Variants in BBS2 observed in about 807,000 individuals in gnomAD.
The protein encoded by BBS2 is Bardet-Biedl syndrome 2.
In BBS2, 62 loss-of-function variants were observed where a neutral mutation model predicts 83.0. That is an observed-to-expected ratio of 0.75 (90% confidence interval 0.61 to 0.92). The LOEUF (loss-of-function observed/expected upper bound fraction) is 0.92, where lower values mean the gene tolerates loss of function less well. Among genes scored for constraint, BBS2 ranks in the 40% least tolerant of loss-of-function variants. The pLI, the probability that BBS2 is intolerant of heterozygous loss-of-function variation, is 0.00. For synonymous variants in BBS2, 303 were observed against 326.1 expected (o/e 0.93, Z 0.76); for missense variants, 784 against 901.0 (o/e 0.87, Z 1.66).
rs112284596 is a variant in BBS2, at chr16:56,513,924, T to C, written c.345+529A>G. 4.9e-4 allele frequency among the ~76,000 whole-genome samples: 75 copies of C among 152,348 alleles called. 1 individual carries two copies. Among genetic ancestry groups the C allele is most frequent in the African/African-American group, 1.8e-3 (74 of 41,582 alleles). On this transcript the variant is annotated intron_variant, in intron 2 of 16. Transcript: ENST00000245157. ...TATATGACCCCATTTTACTACAAAATGTATTCATATATGCTTGGTAAAAAA... is the reference window on the plus strand; with the variant it reads ...TATATGACCCCATTTTACTACAAAACGTATTCATATATGCTTGGTAAAAAA...
At position 56,500,853 on chromosome 16, in the gene BBS2, C is replaced by T. The variant is rs1225299095; in HGVS notation, c.1397+1G>A. 1.2e-6 allele frequency: 2 copies of T among 1,614,010 alleles called. No individual in the cohort carries two copies. The highest frequency in any genetic ancestry group is 1.7e-6 in the Non-Finnish European group (2 of 1,179,982). ...ATGAACTGTGACTTGCAAAGGGTCA[C>T]CTGCTTCTGTAACCCACGAATGCCT... On this transcript the variant is annotated splice_donor_variant, in intron 11 of 16. Coordinates refer to ENST00000245157, the MANE Select transcript of BBS2 (RefSeq NM_031885.5). LOFTEE classifies it high-confidence loss of function.
intron 5 of BBS2, among the ~76,000 whole-genome samples, chr16:56,507,247 A>C (rs1964445224): frequency 6.6e-6 from 1 of 152,218 alleles, no homozygotes; most frequent in Non-Finnish European, 1.5e-5. Context: ...CAATGTTATG[A>C]AGTCCATATT....
intron 17 of BBS2, chr16:56,470,812 G>A (rs13337155): frequency 1.3e-6 from 2 of 1,545,774 alleles, no homozygotes; most frequent in Non-Finnish European, 8.7e-7. Flanking sequence ...GTTAGGATTT[G>A]TCCTTACTTA....
intron 4 of BBS2, 136 bp from the exon 5 acceptor site, chr16:56,510,170 G>T: frequency 1.4e-6 from 1 of 720,974 alleles, no homozygotes; most frequent in Non-Finnish European, 2.5e-6. Flanking sequence ...ATCGTTTGAT[G>T]CTCAGAAATG....
At chr16:56,519,705 G>T in intron 1 of BBS2, 41 bp downstream of exon 1, 1 of 1,523,220 alleles carries the variant, frequency 6.6e-7, no homozygotes, top group Non-Finnish European at 9.1e-7. Context: ...AGATCCTGTG[G>T]TTCCCTGGGG....
exon 18 of BBS2, chr16:56,470,589 A>C: frequency 6.2e-7 from 1 of 1,614,224 alleles, no homozygotes; most frequent in East Asian, 2.2e-5. Flanking sequence ...CCAACTTCAC[A>C]GGCCTGAAGC....
chr16:56,495,193 T>C (rs373963164), intron 15 of BBS2, among the ~76,000 whole-genome samples: 19 of 152,296 alleles, frequency 1.2e-4, no homozygotes, highest in African/African-American at 4.3e-4. Context: ...AACATTATTT[T>C]TCATAGAAGT....
downstream of BBS2, among the ~76,000 whole-genome samples, chr16:56,483,770 G>A (rs931220197): frequency 2.7e-5 from 4 of 150,146 alleles, no homozygotes; most frequent in Admixed American, 6.7e-5. Context: ...GTGCAATCTT[G>A]CTCACTGCAA....
chr16:56,500,641 A>AG (rs1382206773), intron 11 of BBS2: 1 of 545,016 alleles, frequency 1.8e-6, no homozygotes, highest in African/African-American at 1.9e-5. Context: ...AAAAAAAAAA[A>AG]AAGAACCATC....
rs1202538241 is a variant in BBS2, at chr16:56,520,004, G to C, written c.-142C>G. ...GGCCGGACGCGAAACAGCCCGGGACGAACCCGTCCAGGTACCGCCTGCTCC... is the reference window on the plus strand; with the variant it reads ...GGCCGGACGCGAAACAGCCCGGGACCAACCCGTCCAGGTACCGCCTGCTCC... On this transcript the variant is annotated 5_prime_UTR_variant, in exon 1 of 17. Coordinates refer to ENST00000245157, the MANE Select transcript of BBS2 (RefSeq NM_031885.5). 1 of 735,942 alleles carries C rather than the reference G, an allele frequency of 1.4e-6. No homozygotes were observed. The highest frequency in any genetic ancestry group is 2.4e-6 in the Non-Finnish European group (1 of 416,594). 45.6% of individuals were successfully genotyped at this position (735,942 alleles called of 1,614,324 possible).
chr16:56,498,384 T>C (rs1225118565), intron 13 of BBS2, 53 bp downstream of exon 13: 7 of 1,601,644 alleles, frequency 4.4e-6, no homozygotes, highest in Non-Finnish European at 6.0e-6. Context: ...GTCTAAGTGT[T>C]TGAATAAATA....
At chr16:56,479,477 C>CA (rs1236745521), downstream of BBS2, among the ~76,000 whole-genome samples, 4 of 151,646 alleles carry the variant, frequency 2.6e-5, no homozygotes, top group Non-Finnish European at 5.9e-5. Flanking sequence ...GAATCCGTCT[C>CA]AAAAAAAATA....
chr16:56,474,848 C>T (rs1360345095), intron 17 of BBS2: 10 of 1,611,622 alleles, frequency 6.2e-6, no homozygotes, highest in Non-Finnish European at 7.6e-6. Flanking sequence ...TCCCATGTGC[C>T]AAGGGGAACT....
Position 56,519,769 on chromosome 16 carries a change from C to A in BBS2, c.94G>T (p.Ala32Ser). 1 of 1,613,434 alleles carries A rather than the reference C, an allele frequency of 6.2e-7. No individual in the cohort carries two copies. The highest frequency in any genetic ancestry group is 8.5e-7 in the Non-Finnish European group (1 of 1,179,594). The change falls in exon 1 of 17, where the codon GCG becomes TCG. Residue 32 changes from alanine (A) to serine (S), a missense_variant. Transcript: ENST00000245157. ...ACCTTGCCCGTTTGGGTGGCGGCCG[C>A]CAGGCACGGGTGAGTCCCGTCGTAG... ...GRYDGTHPCL[A>S]AATQTGKVFI...
chr16:56,502,108 T>C (rs1964292280), intron 9 of BBS2: 3 of 701,422 alleles, frequency 4.3e-6, no homozygotes, highest in Non-Finnish European at 7.4e-6. Context: ...GCAGGAAATG[T>C]CCTTAAACAA....
At chr16:56,476,398 C>A in intron 17 of BBS2, 3 of 359,364 alleles carry the variant, frequency 8.3e-6, no homozygotes, top group Admixed American at 4.9e-5. Context: ...GTACTTATCT[C>A]TTGATTAAAA....
chr16:56,511,798 T>C (rs530000879), intron 2 of BBS2, among the ~76,000 whole-genome samples: 5 of 152,160 alleles, frequency 3.3e-5, no homozygotes, highest in African/African-American at 4.8e-5. Flanking sequence ...CGATGTGACC[T>C]TGAAATAGGC....
At chr16:56,477,945 C>A (rs1963550378) in intron 17 of BBS2, 1 of 152,130 alleles carries the variant, frequency 6.6e-6, no homozygotes, top group South Asian at 2.1e-4. Context: ...TAATTCTGCA[C>A]CCTAGCCAGT....
intron 17 of BBS2, among the ~76,000 whole-genome samples, chr16:56,474,511 G>C (rs781565267): frequency 7.9e-5 from 12 of 151,446 alleles, no homozygotes; most frequent in Non-Finnish European, 1.5e-4. Context: ...GTAGAGATGG[G>C]GTTTCTCCAT....
Sources: gnomAD v4.1 joint callset for allele counts (sites outside exome capture counted in the v4.1 genomes callset) on GRCh38, gnomAD v4.1.1 for gene constraint, MANE v1.5 for transcripts, NCBI Gene and HGNC (gene_info 2026-07-23, HGNC 2026-07-21) for gene names.